AUTS2: variants seen among roughly 807,000 people sequenced by gnomAD.
The protein encoded by AUTS2 is autism susceptibility gene 2 protein.
A neutral mutation model predicts 112.4 loss-of-function variants in AUTS2; 17 were observed. The observed-to-expected ratio is 0.15, with a 90% CI of 0.10 to 0.23. AUTS2 has a LOEUF of 0.23. Ranked by LOEUF, AUTS2 falls within the 10% of genes least tolerant of loss-of-function variation. The pLI, the probability that AUTS2 is intolerant of heterozygous loss-of-function variation, is 1.00. For synonymous variants in AUTS2, 751 were observed against 702.7 expected, an observed-to-expected ratio of 1.07 and a Z score of -1.09; for missense variants, 1,510 against 1,701.6, an observed-to-expected ratio of 0.89 and a Z score of 1.98.
intron 5 of AUTS2, among the ~76,000 whole-genome samples, chr7:70,438,802 A>G (rs1204401457): frequency 6.6e-6 from 1 of 152,126 alleles, no homozygotes; most frequent in Non-Finnish European, 1.5e-5. Context: ...CTGAATTGCT[A>G]ATGGTGGAAA....
chr7:70,081,029 A>T (rs1244474243), intron 2 of AUTS2, among the ~76,000 whole-genome samples: 23 of 152,264 alleles, frequency 1.5e-4, no homozygotes, highest in Non-Finnish European at 2.9e-5. Flanking sequence ...CAAAGCATTT[A>T]TGTCAAGCAG....
At chr7:70,153,946 T>C (rs1242570633) in intron 4 of AUTS2, among the ~76,000 whole-genome samples, 2 of 152,200 alleles carry the variant, frequency 1.3e-5, no homozygotes. Flanking sequence ...TGCTCTCTGA[T>C]AAAATGTAGG....
At chr7:69,722,613 G>A (rs1204868560) in intron 1 of AUTS2, among the ~76,000 whole-genome samples, 1 of 152,182 alleles carries the variant, frequency 6.6e-6, no homozygotes, top group Non-Finnish European at 1.5e-5. Context: ...TGGGATTACA[G>A]GTGTGCACCA....
chr7:70,768,023 G>A lies in AUTS2; in HGVS notation c.1690-1G>A, dbSNP rs1197632854. The A allele has an allele frequency of 3.1e-6, 5 of 1,610,930 alleles. No individual in the cohort carries two copies. Among genetic ancestry groups the A allele is most frequent in the Admixed American group, 1.7e-5 (1 of 59,168 alleles). ...TAGCTTTTGCTTTGATCCCTTTACA[G>A]TTTGACAAATACCCTACAAAAGTTG... On this transcript the variant is annotated splice_acceptor_variant, in intron 9 of 18. Coordinates refer to ENST00000342771, the MANE Select transcript of AUTS2 (RefSeq NM_015570.4). LOFTEE classifies it high-confidence loss of function.
intron 6 of AUTS2, among the ~76,000 whole-genome samples, chr7:70,744,985 C>G (rs1322753342): frequency 1.3e-5 from 2 of 152,102 alleles, no homozygotes; most frequent in Non-Finnish European, 2.9e-5. Flanking sequence ...TGATGCATTG[C>G]AGGCTCTCCT....
At chr7:69,723,738 A>G in intron 1 of AUTS2, among the ~76,000 whole-genome samples, 1 of 152,188 alleles carries the variant, frequency 6.6e-6, no homozygotes, top group East Asian at 1.9e-4. Context: ...TCAGAAAGTG[A>G]CTTGGTGGCA....
chr7:69,667,246 A>G (rs1435213710), intron 1 of AUTS2, among the ~76,000 whole-genome samples: 2 of 152,196 alleles, frequency 1.3e-5, no homozygotes, highest in African/African-American at 2.4e-5. Context: ...TAAAGACTGT[A>G]TCTCTCCATG....
At chr7:69,854,678 C>T (rs994089069) in intron 1 of AUTS2, among the ~76,000 whole-genome samples, 5 of 151,946 alleles carry the variant, frequency 3.3e-5, no homozygotes, top group African/African-American at 7.2e-5. Context: ...GAAAAATTAA[C>T]GTTATCTTCT....
intron 5 of AUTS2, among the ~76,000 whole-genome samples, chr7:70,677,989 G>A (rs1305343075): frequency 2.6e-5 from 4 of 152,146 alleles, no homozygotes; most frequent in African/African-American, 9.7e-5. Context: ...GGCTGAGGCA[G>A]GAGAATGGCG....
At chr7:70,221,374 A>C (rs1306917013) in intron 4 of AUTS2, among the ~76,000 whole-genome samples, 1 of 152,234 alleles carries the variant, frequency 6.6e-6, no homozygotes, top group African/African-American at 2.4e-5. Context: ...TTGGTGTAAA[A>C]TTTATATACA....
intron 6 of AUTS2, among the ~76,000 whole-genome samples, chr7:70,707,245 A>G (rs943007651): frequency 1.3e-5 from 2 of 152,222 alleles, no homozygotes; most frequent in Admixed American, 1.3e-4. Context: ...GGGAAACTGA[A>G]GTTAGATATG....
chr7:69,753,744 C>T (rs903716282), intron 1 of AUTS2, among the ~76,000 whole-genome samples: 1 of 152,156 alleles, frequency 6.6e-6, no homozygotes, highest in Non-Finnish European at 1.5e-5. Flanking sequence ...GAAATAACTT[C>T]CAACTCAAGG....
At chr7:69,710,815 A>G (rs1482022100) in intron 1 of AUTS2, among the ~76,000 whole-genome samples, 1 of 152,206 alleles carries the variant, frequency 6.6e-6, no homozygotes. Context: ...TGTTGCAGGT[A>G]CATGTGGTTA....
At position 70,769,452 on chromosome 7, in the gene AUTS2, G is replaced by T. The variant is rs1969498; in HGVS notation, c.1734+1384G>T. On this transcript the variant is annotated intron_variant, in intron 10 of 18. Coordinates refer to ENST00000342771, the MANE Select transcript of AUTS2 (RefSeq NM_015570.4). ...TGTAATCCCAGCACTTTGGGAGGCCGAGGCAGGCGGATCACAAGGTCAGGA... is the reference window on the plus strand; with the variant it reads ...TGTAATCCCAGCACTTTGGGAGGCCTAGGCAGGCGGATCACAAGGTCAGGA... 1.5e-3 allele frequency among the ~76,000 whole-genome samples: 234 copies of T among 152,276 alleles called. 2 individuals are homozygous for T. The highest frequency in any genetic ancestry group is 5.3e-3 in the African/African-American group (222 of 41,554).
At chr7:70,393,413 C>A (rs773359519) in intron 4 of AUTS2, among the ~76,000 whole-genome samples, 5 of 152,152 alleles carry the variant, frequency 3.3e-5, no homozygotes, top group Admixed American at 1.3e-4. Flanking sequence ...TGCTCATCTG[C>A]CCCATGGTCT....
chr7:70,258,683 A>G (rs1431781566), intron 4 of AUTS2, among the ~76,000 whole-genome samples: 2 of 152,138 alleles, frequency 1.3e-5, no homozygotes, highest in African/African-American at 2.4e-5. Flanking sequence ...TGAAAATGGC[A>G]TTTGTTTTTT....
chr7:69,854,816 T>G, intron 1 of AUTS2, among the ~76,000 whole-genome samples: 1 of 152,338 alleles, frequency 6.6e-6, no homozygotes, highest in East Asian at 1.9e-4. Flanking sequence ...CTTGTAATTG[T>G]TCTGTGACTT....
chr7:70,713,547 G>A (rs1810177334), intron 6 of AUTS2, among the ~76,000 whole-genome samples: 2 of 152,196 alleles, frequency 1.3e-5, no homozygotes, highest in African/African-American at 2.4e-5. Context: ...TTGTGTTAAA[G>A]TAGTGGTTCT....
intron 4 of AUTS2, among the ~76,000 whole-genome samples, chr7:70,382,181 A>G: frequency 6.6e-6 from 1 of 152,192 alleles, no homozygotes; most frequent in East Asian, 1.9e-4. Flanking sequence ...CCCAGCCTGA[A>G]GATCGTCATT....
Sources: gnomAD v4.1 joint callset for allele counts (sites outside exome capture counted in the v4.1 genomes callset) on GRCh38, gnomAD v4.1.1 for gene constraint, MANE v1.5 for transcripts, NCBI Gene and HGNC (gene_info 2026-07-23, HGNC 2026-07-21) for gene names.